TSNARE1: variants seen among roughly 807,000 people sequenced by gnomAD.
The protein encoded by TSNARE1 is t-SNARE domain containing 1.
TSNARE1 carries 49 observed loss-of-function variants against 62.0 expected under a neutral mutation model. The observed-to-expected ratio is 0.79, with a 90% CI of 0.63 to 1.00. TSNARE1 has a LOEUF of 1.00. Ranked by LOEUF, TSNARE1 falls within the 50% of genes least tolerant of loss-of-function variation. The probability of loss-of-function intolerance (pLI) is 0.00; values close to 1 mark genes in which losing one functional copy is unlikely to be tolerated. For missense variants in TSNARE1, 755 were observed against 700.1 expected (o/e 1.08, Z -0.88); for synonymous variants, 328 against 294.4 (o/e 1.11, Z -1.17).
chr8:142,343,672 G>A (rs1414342168), intron 4 of TSNARE1, among the ~76,000 whole-genome samples: 2 of 151,096 alleles, frequency 1.3e-5, no homozygotes, highest in African/African-American at 4.9e-5. Flanking sequence ...CAGACGGGTG[G>A]ATGCACAGAT....
chr8:142,215,436 G>C (rs1815785839), intron 13 of TSNARE1, among the ~76,000 whole-genome samples: 1 of 152,074 alleles, frequency 6.6e-6, no homozygotes, highest in South Asian at 2.1e-4. Flanking sequence ...CCCATCTTCT[G>C]GCCAGAACTG....
chr8:142,324,932 C>T (rs952360689), intron 6 of TSNARE1, among the ~76,000 whole-genome samples: 21 of 152,266 alleles, frequency 1.4e-4, no homozygotes, highest in African/African-American at 5.1e-4. Flanking sequence ...GAGCCTGTGG[C>T]TGGGCTGGTT....
At chr8:142,406,699 G>T (rs560763137), upstream of TSNARE1, 3 of 152,284 alleles carry the variant, frequency 2.0e-5, no homozygotes, top group Admixed American at 6.5e-5. Flanking sequence ...GCAATGCAGG[G>T]GCAGAGCGGT....
chr8:142,316,953 C>A (rs905748368), intron 7 of TSNARE1, among the ~76,000 whole-genome samples: 2 of 151,950 alleles, frequency 1.3e-5, no homozygotes, highest in Non-Finnish European at 2.9e-5. Context: ...GAACTTGCAA[C>A]CCCAGCCCTC....
At chr8:142,392,260 G>A (rs1480293512) in intron 1 of TSNARE1, among the ~76,000 whole-genome samples, 3 of 152,092 alleles carry the variant, frequency 2.0e-5, no homozygotes, top group Admixed American at 1.3e-4. Context: ...GACCTCAGGT[G>A]ATCCACCCAC....
Position 142,344,007 on chromosome 8 carries a change from T to C in TSNARE1, c.704A>G (p.Gln235Arg), listed in dbSNP as rs1407954354. The C allele has an allele frequency of 6.4e-7, 1 of 1,552,778 alleles. No individual in the cohort carries two copies. Among genetic ancestry groups the C allele is most frequent in the Non-Finnish European group, 8.7e-7 (1 of 1,147,932 alleles). The change falls in exon 4 of 14, where the codon CAG becomes CGG. Residue 235 changes from glutamine (Q) to arginine (R), a missense_variant. By Grantham distance (43) the Gln-to-Arg change is conservative. Transcript: ENST00000524325. ...EQVVAKTFSC[Q>R]ALPSEGFSLE... is the part of the protein sequence containing the mutation. ...ACTGAAGCCCTCGGAGGGCAGGGCC[T>C]GGCAAGAGAAGGTCTTGGCCACCAC...
intron 12 of TSNARE1, among the ~76,000 whole-genome samples, chr8:142,258,513 A>C (rs1586879816): frequency 8.3e-6 from 1 of 119,844 alleles, no homozygotes; most frequent in African/African-American, 3.3e-5. Context: ...ACAGTGTCTC[A>C]CTCTGTTGCC....
chr8:142,404,947 C>G (rs768068258), upstream of TSNARE1: 2 of 152,450 alleles, frequency 1.3e-5, no homozygotes, highest in Non-Finnish European at 2.9e-5. Flanking sequence ...CCAGGAGCCG[C>G]TTTCTTGACC....
chr8:142,284,680 G>T (rs771797251), intron 10 of TSNARE1, among the ~76,000 whole-genome samples, 195 bp from the exon 11 acceptor site: 1 of 152,122 alleles, frequency 6.6e-6, no homozygotes, highest in Non-Finnish European at 1.5e-5. Flanking sequence ...AAGGGCCAGG[G>T]GTGAGCCCAG....
At chr8:142,334,700 AG>A (rs2132096006) in intron 4 of TSNARE1, among the ~76,000 whole-genome samples, 1 of 152,350 alleles carries the variant, frequency 6.6e-6, no homozygotes, top group South Asian at 2.1e-4. Context: ...AGTGGCCCGG[AG>A]AAAAAACTGC....
At chr8:142,301,941 G>A (rs916470306) in intron 9 of TSNARE1, among the ~76,000 whole-genome samples, 3 of 152,198 alleles carry the variant, frequency 2.0e-5, no homozygotes, top group Non-Finnish European at 2.9e-5. Context: ...TCAAGGTTCG[G>A]TGAGTGCAAG....
chr8:142,378,359 G>C (rs1836492755), intron 1 of TSNARE1, among the ~76,000 whole-genome samples: 1 of 152,226 alleles, frequency 6.6e-6, no homozygotes, highest in Admixed American at 6.5e-5. Flanking sequence ...AACTCAGAAA[G>C]GCATGGGAGG....
chr8:142,287,930 C>A (rs1284650746), intron 10 of TSNARE1, among the ~76,000 whole-genome samples: 7 of 152,252 alleles, frequency 4.6e-5, no homozygotes, highest in Admixed American at 2.6e-4. Flanking sequence ...AACCCAGGAC[C>A]TCGGTCAGAT....
chr8:142,386,350 T>C (rs939126037), intron 1 of TSNARE1, among the ~76,000 whole-genome samples: 1 of 152,178 alleles, frequency 6.6e-6, no homozygotes, highest in Non-Finnish European at 1.5e-5. Context: ...TTACATAAGA[T>C]ACTATAATAT....
chr8:142,273,027 G>A (rs966132455), intron 12 of TSNARE1: 40 of 985,286 alleles, frequency 4.1e-5, no homozygotes, highest in Admixed American at 1.2e-4. Flanking sequence ...GTGACTTCAC[G>A]GCCGCCTCCT....
chr8:142,375,802 C>G (rs570079881), intron 1 of TSNARE1, among the ~76,000 whole-genome samples: 1 of 152,356 alleles, frequency 6.6e-6, no homozygotes, highest in South Asian at 2.1e-4. Flanking sequence ...CAGCAAGAGC[C>G]TGCTTGCTCC....
chr8:142,305,335 G>C (rs1437296667), intron 9 of TSNARE1, among the ~76,000 whole-genome samples: 2 of 152,120 alleles, frequency 1.3e-5, no homozygotes, highest in African/African-American at 4.8e-5. Context: ...CAGGAGGATA[G>C]GGGAGGGCGC....
At chr8:142,332,138 C>T (rs1343344814) in intron 4 of TSNARE1, among the ~76,000 whole-genome samples, 1 of 152,222 alleles carries the variant, frequency 6.6e-6, no homozygotes, top group African/African-American at 2.4e-5. Context: ...AAGCTACGAG[C>T]ACCTGCACGT....
At chr8:142,387,952 CAAAAG>C (rs918544278) in intron 1 of TSNARE1, among the ~76,000 whole-genome samples, 13 of 152,018 alleles carry the variant, frequency 8.6e-5, no homozygotes, top group Non-Finnish European at 1.6e-4. Context: ...AGTGTACATA[CAAAAG>C]AAAACTACAG....
Sources: gnomAD v4.1 joint callset for allele counts (sites outside exome capture counted in the v4.1 genomes callset) on GRCh38, gnomAD v4.1.1 for gene constraint, MANE v1.5 for transcripts, NCBI Gene and HGNC (gene_info 2026-07-23, HGNC 2026-07-21) for gene names.